SF3B3: variants seen among roughly 807,000 people sequenced by gnomAD.
SF3B3 encodes SAP 130.
A neutral mutation model predicts 139.2 loss-of-function variants in SF3B3; 33 were observed. That is an observed-to-expected ratio of 0.24 (90% CI 0.18 to 0.32). The LOEUF is 0.32. SF3B3 is among the 10% of genes least tolerant of loss of function. The pLI is 1.00. For missense variants in SF3B3, 818 were observed against 1,509.4 expected, an observed-to-expected ratio of 0.54 and a Z score of 7.59; for synonymous variants, 596 against 563.6, an observed-to-expected ratio of 1.06 and a Z score of -0.81.
intron 8 of SF3B3, among the ~76,000 whole-genome samples, chr16:70,540,321 C>T (rs764532418): frequency 2.6e-5 from 4 of 151,836 alleles, no homozygotes; most frequent in African/African-American, 7.2e-5. Flanking sequence ...TTGGCCTTCC[C>T]GAAGTGTTGG....
At position 70,526,530 on chromosome 16, in the gene SF3B3, G is replaced by A. The variant is rs2050066327; in HGVS notation, c.-70-57G>A. ...GTCTTCATCCAGAATTTCCCATACA[G>A]AAATGTCTGTTGAAGTAATAGTCTC... is the stretch of plus-strand genomic sequence containing the variant. On this transcript the variant is annotated intron_variant, in intron 1 of 25. Coordinates refer to ENST00000302516, the MANE Select transcript of SF3B3 (RefSeq NM_012426.5). 27 of 647,042 alleles carry A rather than the reference G, an allele frequency of 4.2e-5. No individual in the cohort carries two copies. The South Asian group carries it at 5.3e-4, about 13-fold the overall frequency. 40.1% of individuals were successfully genotyped at this position (647,042 alleles called of 1,614,324 possible). A position where few individuals can be genotyped will look rare whatever the true frequency, so the allele number is the denominator to read the frequency against.
At chr16:70,528,409 C>T (rs11643344) in intron 2 of SF3B3, among the ~76,000 whole-genome samples, 50,662 of 148,388 alleles carry the variant, frequency 0.34, 9,184 homozygotes, top group South Asian at 0.61. Flanking sequence ...AAGTGATCTG[C>T]CTGCCTCAGC....
chr16:70,538,089 G>T (rs1320328166), intron 6 of SF3B3: 1 of 683,730 alleles, frequency 1.5e-6, no homozygotes, highest in Middle Eastern at 2.5e-4. Context: ...TTATGAATCT[G>T]ATCAGGCTGT....
chr16:70,572,235 T>C lies in SF3B3; in HGVS notation c.*422T>C. ...TGTGGTGGGACTGGGTAGGGTATAG[T>C]ATCACTCCTGAGTTCCACTGCTCTA... On this transcript the variant is annotated 3_prime_UTR_variant, in exon 26 of 26. Coordinates refer to ENST00000302516, the MANE Select transcript of SF3B3 (RefSeq NM_012426.5). The C allele has an allele frequency of 7.2e-6, 3 of 416,736 alleles. No individual in the cohort carries two copies. The Admixed American group carries it at 8.4e-5, about 12-fold the overall frequency. 25.8% of individuals were successfully genotyped at this position (416,736 alleles called of 1,614,324 possible).
intron 18 of SF3B3, among the ~76,000 whole-genome samples, chr16:70,564,712 G>A (rs1453355023): frequency 6.6e-6 from 1 of 152,214 alleles, no homozygotes; most frequent in Non-Finnish European, 1.5e-5. Flanking sequence ...CTTAAAGAGT[G>A]GAGACAGAGT....
chr16:70,559,768 CTT>C (rs35881730), intron 15 of SF3B3, among the ~76,000 whole-genome samples: 11 of 144,822 alleles, frequency 7.6e-5, no homozygotes, highest in Non-Finnish European at 7.6e-5. Context: ...CTGAAAACTC[CTT>C]TTTTTTTTTT....
rs1403789765 is a variant in SF3B3 at position 70,573,940 on chromosome 16, T to C, written c.*2127T>C. Reference sequence around the variant, plus strand: ...GATCTCTTGCCAAGAATAGCATTCCTTTGGAGGAGGGGGGTTCTAGTTGGA... The same window carrying C: ...GATCTCTTGCCAAGAATAGCATTCCCTTGGAGGAGGGGGGTTCTAGTTGGA... On this transcript the variant is annotated 3_prime_UTR_variant, in exon 26 of 26. Coordinates refer to ENST00000302516, the MANE Select transcript of SF3B3 (RefSeq NM_012426.5). The C allele has an allele frequency of 2.6e-5, 4 of 152,200 alleles. No homozygotes were observed. The highest frequency in any genetic ancestry group is 2.6e-4 in the Admixed American group (4 of 15,280). 9.4% of individuals were successfully genotyped at this position (152,200 alleles called of 1,614,324 possible).
At chr16:70,555,477 CAAAAAAAAAAAAA>C (rs33955800) in intron 13 of SF3B3, among the ~76,000 whole-genome samples, 2 of 73,114 alleles carry the variant, frequency 2.7e-5, no homozygotes, top group Non-Finnish European at 5.2e-5. Context: ...GACTCCGTCT[CAAAAAAAAAAAAA>C]AAAAAAAAAA....
chr16:70,562,374 A>G (rs981505710), intron 17 of SF3B3, among the ~76,000 whole-genome samples: 11 of 152,214 alleles, frequency 7.2e-5, no homozygotes, highest in Non-Finnish European at 1.5e-5. Flanking sequence ...TTGGCTGTTC[A>G]TAATGAAACT....
Position 70,532,466 on chromosome 16 carries a change from C to T in SF3B3, c.571-13C>T. 1.2e-6 allele frequency: 2 copies of T among 1,612,286 alleles called. No individual in the cohort carries two copies. The highest frequency in any genetic ancestry group is 1.7e-6 in the Non-Finnish European group (2 of 1,179,066). ...ATGCTGATGATTAGTTTTTATGCCA[C>T]TATTCTCTGTAGGAAGCAGACAATG... On this transcript the variant is annotated splice_polypyrimidine_tract_variant and intron_variant, in intron 4 of 25. Coordinates refer to ENST00000302516, the MANE Select transcript of SF3B3 (RefSeq NM_012426.5).
chr16:70,565,723 ACCAT>A, intron 20 of SF3B3, 199 bp downstream of exon 20: 2 of 570,854 alleles, frequency 3.5e-6, no homozygotes, highest in Non-Finnish European at 6.2e-6. Flanking sequence ...CTTTGTGCTA[ACCAT>A]CCATAATGGG....
intron 3 of SF3B3, chr16:70,529,561 G>A (rs911288358): frequency 1.8e-5 from 4 of 227,900 alleles, no homozygotes; most frequent in Non-Finnish European, 2.6e-5. Context: ...AATTCTTGAA[G>A]AAAATTTTTG....
intron 5 of SF3B3, among the ~76,000 whole-genome samples, chr16:70,533,451 CA>C (rs768794668): frequency 6.6e-6 from 1 of 151,526 alleles, no homozygotes; most frequent in African/African-American, 2.4e-5. Context: ...TGGACAGTAA[CA>C]AAAAAAATTT....
rs2050467140 is a variant in SF3B3, at chr16:70,565,490, T to G, written c.2792T>G (p.Val931Gly). ...AGGFVYTYKL[V>G]NNGEKLEFLH... The stretch of plus-strand genomic sequence containing the variant: ...GGCTTCGTCTATACTTACAAGCTTG[T>G]GAACAATGGGGAAAAACTGGAGTTT... Residue 931 changes from valine to glycine, a missense_variant, in exon 20 of 26, where the codon GTG (valine) becomes GGG (glycine). Transcript: ENST00000302516. The G allele has an allele frequency of 3.7e-6, 6 of 1,613,968 alleles. No individual in the cohort carries two copies. In the South Asian group the frequency reaches 6.6e-5, roughly 18 times the overall value.
At chr16:70,552,323 A>G (rs2050335338) in intron 11 of SF3B3, among the ~76,000 whole-genome samples, 1 of 152,246 alleles carries the variant, frequency 6.6e-6, no homozygotes, top group African/African-American at 2.4e-5. Context: ...CTGTATTCAT[A>G]TAATATTAAA....
At chr16:70,556,388 C>G in intron 14 of SF3B3, 54 bp downstream of exon 14, 2 of 1,583,712 alleles carry the variant, frequency 1.3e-6, no homozygotes, top group Non-Finnish European at 1.7e-6. Flanking sequence ...GAGCATCTGG[C>G]TCCTGATGTC....
chr16:70,532,974 C>T (rs565390918), intron 5 of SF3B3, among the ~76,000 whole-genome samples: 1 of 152,220 alleles, frequency 6.6e-6, no homozygotes, highest in South Asian at 2.1e-4. Flanking sequence ...AATGGACAGA[C>T]CCCACAAGAT....
rs376076964 is a variant in SF3B3, at chr16:70,531,417, A to G, written c.570+500A>G. ...CTCAGCCTCCTGAGTAGCTGGGACT[A>G]CAGGTGCTGCCACAACGCCCAGCTA... On this transcript the variant is annotated intron_variant, in intron 4 of 25. Transcript: ENST00000302516. Among the ~76,000 whole-genome samples the G allele has an allele frequency of 5.3e-5, 8 of 152,200 alleles. No homozygotes were observed. The East Asian group carries it at 1.4e-3, about 26-fold the overall frequency.
At chr16:70,555,725 TC>T (rs936199928) in intron 13 of SF3B3, among the ~76,000 whole-genome samples, 1 of 152,196 alleles carries the variant, frequency 6.6e-6, no homozygotes, top group African/African-American at 2.4e-5. Flanking sequence ...GGAAGGATGT[TC>T]AGTACACTTA....
Sources: gnomAD v4.1 joint callset for allele counts (sites outside exome capture counted in the v4.1 genomes callset) on GRCh38, gnomAD v4.1.1 for gene constraint, MANE v1.5 for transcripts, NCBI Gene and HGNC (gene_info 2026-07-23, HGNC 2026-07-21) for gene names.